The following CDH8 variants were observed in gnomAD, a reference collection of about 807,000 sequenced individuals.
CDH8 encodes the protein cadherin-8.
In CDH8, 17 loss-of-function variants were observed where a neutral mutation model predicts 68.1. The observed-to-expected ratio is 0.25, with a 90% CI of 0.17 to 0.37. The LOEUF is 0.37. CDH8 is among the 10% of genes least tolerant of loss of function. The pLI, the probability that CDH8 is intolerant of heterozygous loss-of-function variation, is 1.00. For synonymous variants in CDH8, 372 were observed against 365.1 expected, an observed-to-expected ratio of 1.02 and a Z score of -0.21; for missense variants, 763 against 999.3, an observed-to-expected ratio of 0.76 and a Z score of 3.19.
chr16:61,877,358 T>G (rs1439484604), intron 3 of CDH8, among the ~76,000 whole-genome samples: 2 of 151,996 alleles, frequency 1.3e-5, no homozygotes, highest in African/African-American at 4.8e-5. Flanking sequence ...CCTTTGGAAG[T>G]TGAATTACCT....
chr16:61,990,722 G>A (rs1227350386), intron 2 of CDH8, among the ~76,000 whole-genome samples: 1 of 152,092 alleles, frequency 6.6e-6, no homozygotes, highest in Non-Finnish European at 1.5e-5. Flanking sequence ...TATTTGGGAA[G>A]CTGAAGTGGG....
At chr16:61,997,128 G>A (rs150476711) in intron 2 of CDH8, among the ~76,000 whole-genome samples, 1 of 152,000 alleles carries the variant, frequency 6.6e-6, no homozygotes, top group African/African-American at 2.4e-5. Context: ...AAGTCATAAA[G>A]TCATAATTTT....
chr16:61,879,646 CTTTTTCCTAACTGCAATTGAAATCT>C (rs1963532242), intron 3 of CDH8, among the ~76,000 whole-genome samples: 1 of 152,140 alleles, frequency 6.6e-6, no homozygotes. Context: ...GTTCTTTTGC[CTTTTTCCTAACTGCAATTGAAATCT>C]TCAGAGAGAA....
intron 8 of CDH8, among the ~76,000 whole-genome samples, chr16:61,774,080 A>G (rs938848932): frequency 1.3e-5 from 2 of 152,092 alleles, no homozygotes; most frequent in African/African-American, 4.8e-5. Context: ...TCCTGGAATC[A>G]GAAAACATGC....
intron 2 of CDH8, among the ~76,000 whole-genome samples, chr16:61,929,374 T>G (rs1964504783): frequency 6.6e-6 from 1 of 152,162 alleles, no homozygotes. Context: ...CTCTTAACCA[T>G]GTGACCAAAA....
chr16:61,962,504 C>A (rs1965173964), intron 2 of CDH8, among the ~76,000 whole-genome samples: 1 of 152,162 alleles, frequency 6.6e-6, no homozygotes, highest in Non-Finnish European at 1.5e-5. Flanking sequence ...CTGCATGAAC[C>A]TGCCCTTCGA....
chr16:61,665,953 C>A (rs1331935332), intron 10 of CDH8, among the ~76,000 whole-genome samples: 1 of 151,660 alleles, frequency 6.6e-6, no homozygotes, highest in Admixed American at 6.6e-5. Flanking sequence ...TCACAGTCAG[C>A]CATAGTCTGA....
chr16:61,861,457 GATCTT>G (rs1311777170), intron 3 of CDH8, among the ~76,000 whole-genome samples: 2 of 152,124 alleles, frequency 1.3e-5, no homozygotes, highest in African/African-American at 4.8e-5. Context: ...TATTTCTGTT[GATCTT>G]ATCTTATTAT....
chr16:61,816,214 A>G (rs1962071216), intron 7 of CDH8, among the ~76,000 whole-genome samples: 1 of 152,122 alleles, frequency 6.6e-6, no homozygotes, highest in African/African-American at 2.4e-5. Context: ...TTTAGAAATG[A>G]TTTGTACTTA....
intron 10 of CDH8, among the ~76,000 whole-genome samples, chr16:61,674,528 G>T (rs559954509): frequency 6.6e-6 from 1 of 151,366 alleles, no homozygotes; most frequent in African/African-American, 2.4e-5. Flanking sequence ...AAACTCAAGG[G>T]GCAATAAGAA....
chr16:61,832,026 G>T (rs574603435), intron 4 of CDH8, among the ~76,000 whole-genome samples: 9 of 151,820 alleles, frequency 5.9e-5, no homozygotes, highest in African/African-American at 2.2e-4. Context: ...GGGGGGTCAT[G>T]TACTGCACCC....
intron 5 of CDH8, among the ~76,000 whole-genome samples, chr16:61,822,644 A>G (rs1173178962): frequency 6.6e-6 from 1 of 151,864 alleles, no homozygotes; most frequent in Non-Finnish European, 1.5e-5. Flanking sequence ...ATATTTTCCA[A>G]ATAGTTCTGC....
chr16:61,909,273 G>A (rs762071271), intron 2 of CDH8, among the ~76,000 whole-genome samples: 1 of 152,094 alleles, frequency 6.6e-6, no homozygotes, highest in African/African-American at 2.4e-5. Flanking sequence ...ATGCCCAAAT[G>A]AACTGCTGTT....
rs117844954 is a variant in CDH8, at chr16:61,950,098, T to C, written c.253-48625A>G. On this transcript the variant is annotated intron_variant, in intron 2 of 11. Transcript: ENST00000577390. ...CTGAATAATCCTGAAATCAAGACAG[T>C]CAGGGACCTACAAATGAGGTTGTAC... 5.2e-3 allele frequency among the ~76,000 whole-genome samples: 785 copies of C among 152,130 alleles called. 2 individuals carry two copies. Among genetic ancestry groups the C allele is most frequent in the Non-Finnish European group, 7.5e-3 (513 of 68,020 alleles).
At chr16:62,018,537 A>G (rs965993059) in intron 2 of CDH8, among the ~76,000 whole-genome samples, 2 of 152,224 alleles carry the variant, frequency 1.3e-5, no homozygotes, top group African/African-American at 4.8e-5. Flanking sequence ...CTTCGCACTC[A>G]GCCTGACTCA....
At chr16:61,846,666 T>G (rs575521740) in intron 4 of CDH8, among the ~76,000 whole-genome samples, 1 of 152,226 alleles carries the variant, frequency 6.6e-6, no homozygotes, top group Admixed American at 6.5e-5. Flanking sequence ...CCCAGAGATT[T>G]TATTTCCTTA....
intron 2 of CDH8, among the ~76,000 whole-genome samples, chr16:61,917,103 G>T (rs1246451710): frequency 7.2e-6 from 1 of 138,816 alleles, no homozygotes. Flanking sequence ...GTGTGTGTGT[G>T]TGTATGATGT....
intron 2 of CDH8, among the ~76,000 whole-genome samples, chr16:62,004,131 A>C (rs200006951): frequency 1.3e-5 from 2 of 152,328 alleles, no homozygotes; most frequent in East Asian, 3.9e-4. Flanking sequence ...AATGACAAAA[A>C]TGTCCAAGGC....
chr16:62,032,249 G>A (rs1167809148), intron 1 of CDH8, among the ~76,000 whole-genome samples: 1 of 152,102 alleles, frequency 6.6e-6, no homozygotes, highest in East Asian at 1.9e-4. Context: ...AATGGCAAAG[G>A]GAACATGATA....
Sources: gnomAD v4.1 joint callset for allele counts (sites outside exome capture counted in the v4.1 genomes callset) on GRCh38, gnomAD v4.1.1 for gene constraint, MANE v1.5 for transcripts, NCBI Gene and HGNC (gene_info 2026-07-23, HGNC 2026-07-21) for gene names.